FCRL5: variants seen among roughly 807,000 people sequenced by gnomAD.
The protein encoded by FCRL5 is Fc receptor-like protein 5.
A neutral mutation model predicts 92.1 loss-of-function variants in FCRL5; 79 were observed. That is an observed-to-expected ratio of 0.86 (90% CI 0.72 to 1.03). FCRL5 has a LOEUF of 1.03. Ranked by LOEUF, FCRL5 falls within the 50% of genes least tolerant of loss-of-function variation. The probability of loss-of-function intolerance (pLI) is 0.00; values close to 1 mark genes in which losing one functional copy is unlikely to be tolerated. For missense variants in FCRL5, 1,160 were observed against 1,181.1 expected, an observed-to-expected ratio of 0.98 and a Z score of 0.26; for synonymous variants, 466 against 469.3, an observed-to-expected ratio of 0.99 and a Z score of 0.09.
At chr1:157,549,322 T>C (rs1014540953) in intron 2 of FCRL5, among the ~76,000 whole-genome samples, 1 of 147,554 alleles carries the variant, frequency 6.8e-6, no homozygotes, top group African/African-American at 2.5e-5. Flanking sequence ...CATTAGGAGA[T>C]ATACCTAATG....
intron 6 of FCRL5, among the ~76,000 whole-genome samples, chr1:157,539,600 C>A (rs1303203387): frequency 1.3e-5 from 2 of 152,108 alleles, no homozygotes; most frequent in African/African-American, 2.4e-5. Flanking sequence ...TTTGTGGGCC[C>A]CAAGATCTTT....
chr1:157,541,610 T>C (rs1651263762), intron 6 of FCRL5, among the ~76,000 whole-genome samples: 1 of 152,244 alleles, frequency 6.6e-6, no homozygotes, highest in Non-Finnish European at 1.5e-5. Flanking sequence ...AACTCACACA[T>C]GAGTTCTTCC....
At position 157,514,126 on chromosome 1, in the gene FCRL5, A is replaced by G. The variant is rs551880302; in HGVS notation, c.*1549T>C. The G allele has an allele frequency of 2.0e-5, 3 of 152,292 alleles. No individual in the cohort carries two copies. The East Asian group carries it at 5.8e-4, about 29-fold the overall frequency. The allele number at this position is 152,292 out of a possible 1,614,324, so 9.4% of individuals were successfully genotyped here. A position where few individuals can be genotyped will look rare whatever the true frequency, so the allele number is the denominator to read the frequency against. ...CTGACACTTGGAAGCATGAAAAGCCATGGTTCAGGTGGAGTGAGCTTCCAA... is the reference window on the plus strand; with the variant it reads ...CTGACACTTGGAAGCATGAAAAGCCGTGGTTCAGGTGGAGTGAGCTTCCAA... On this transcript the variant is annotated 3_prime_UTR_variant, in exon 17 of 17. Transcript: ENST00000361835.
chr1:157,526,510 C>A (rs1300022127), intron 9 of FCRL5, among the ~76,000 whole-genome samples: 1 of 151,954 alleles, frequency 6.6e-6, no homozygotes, highest in Non-Finnish European at 1.5e-5. Flanking sequence ...TGCAAAGGAT[C>A]CTACAGAGAC....
chr1:157,546,406 C>T (rs573728672), intron 3 of FCRL5: 70 of 332,006 alleles, frequency 2.1e-4, no homozygotes, highest in Non-Finnish European at 3.6e-4. Context: ...CGAGATAACG[C>T]CACTGCACTC....
chr1:157,545,455 A>G (rs985895990), intron 3 of FCRL5, among the ~76,000 whole-genome samples: 2 of 150,282 alleles, frequency 1.3e-5, no homozygotes, highest in African/African-American at 4.9e-5. Context: ...CATTAGTATC[A>G]TTATTGAACC....
chr1:157,515,818 G>A (rs1649897721), intron 16 of FCRL5, 24 bp downstream of exon 16: 1 of 1,614,042 alleles, frequency 6.2e-7, no homozygotes, highest in Non-Finnish European at 8.5e-7. Flanking sequence ...GGGTGGGGGA[G>A]GGCATGCAGA....
At chr1:157,525,717 A>G (rs970106382) in intron 9 of FCRL5, among the ~76,000 whole-genome samples, 1 of 152,216 alleles carries the variant, frequency 6.6e-6, no homozygotes, top group Non-Finnish European at 1.5e-5. Context: ...TAGGAAGTCA[A>G]ATCAACAGGA....
intron 7 of FCRL5, among the ~76,000 whole-genome samples, chr1:157,537,375 C>G (rs1466063146): frequency 6.6e-6 from 1 of 152,242 alleles, no homozygotes; most frequent in East Asian, 1.9e-4. Flanking sequence ...TGTAGTGCTC[C>G]CAGGCTTATT....
Position 157,516,380 on chromosome 1 carries a change from T to C in FCRL5, c.2813-507A>G, listed in dbSNP as rs796512047. Among the ~76,000 whole-genome samples the C allele has an allele frequency of 3.3e-5, 5 of 152,312 alleles. 1 individual carries two copies. Among genetic ancestry groups the C allele is most frequent in the African/African-American group, 1.2e-4 (5 of 41,566 alleles). On this transcript the variant is annotated intron_variant, in intron 15 of 16. Coordinates refer to ENST00000361835, the MANE Select transcript of FCRL5 (RefSeq NM_031281.3). ...CCTGTAAGGTTGTGGTGAAGCTATA[T>C]GAGTTTACACATATGTGTGAGCACA...
rs1253074696 is a variant in FCRL5 at position 157,527,750 on chromosome 1, G to T, written c.1827C>A (p.Ser609Arg). ...WFYHEDVTLG[S>R]SSAPSGGEAS... Reference sequence around the variant, plus strand: ...CTTCTCCTCCAGAGGGGGCTGAGCTGCTCCCCAGGGTGACATCCTCATGAT... The same window carrying T: ...CTTCTCCTCCAGAGGGGGCTGAGCTTCTCCCCAGGGTGACATCCTCATGAT... The change falls in exon 9 of 17, where the codon AGC becomes AGA. Residue 609 changes from serine (S) to arginine (R), a missense_variant. By Grantham distance (110) the Ser-to-Arg change is moderately radical (BLOSUM62 -1). Transcript: ENST00000361835. 1 of 1,614,188 alleles carries T rather than the reference G, an allele frequency of 6.2e-7. No homozygotes were observed.
At chr1:157,523,252 C>T (rs1224705371) in intron 10 of FCRL5, among the ~76,000 whole-genome samples, 2 of 152,182 alleles carry the variant, frequency 1.3e-5, no homozygotes, top group East Asian at 3.8e-4. Context: ...TGTATGGTCT[C>T]GTGTTTCTCC....
intron 8 of FCRL5, among the ~76,000 whole-genome samples, chr1:157,529,161 T>C (rs1311100117): frequency 6.6e-6 from 1 of 152,138 alleles, no homozygotes; most frequent in Admixed American, 6.6e-5. Context: ...GAATAGAATA[T>C]TTTCAAAAGA....
At position 157,544,248 on chromosome 1, in the gene FCRL5, C is replaced by T. The variant is rs528463578; in HGVS notation, c.844+14G>A. The T allele has an allele frequency of 6.2e-7, 1 of 1,610,982 alleles. No individual in the cohort carries two copies. Among genetic ancestry groups the T allele is most frequent in the East Asian group, 2.2e-5 (1 of 44,808 alleles). ...CCCTCTCTGCAGCAAATCTCAGGTT[C>T]CACCAACACTTACTCTGCACCTGTA... is the stretch of plus-strand genomic sequence containing the variant. On this transcript the variant is annotated intron_variant, in intron 5 of 16. Transcript: ENST00000361835.
chr1:157,515,949 G>A lies in FCRL5; in HGVS notation c.2813-76C>T, dbSNP rs1649906608. 15 of 1,548,950 alleles carry A rather than the reference G, an allele frequency of 9.7e-6. No individual in the cohort carries two copies. The South Asian group carries it at 1.6e-4, about 16-fold the overall frequency. On this transcript the variant is annotated intron_variant, in intron 15 of 16. Coordinates refer to ENST00000361835, the MANE Select transcript of FCRL5 (RefSeq NM_031281.3). ...CCCTTGTGCCTGCGCTGTGGGGCCAGCCCTGAGCCTCCTGGAGGCCCGCTC... is the reference window on the plus strand; with the variant it reads ...CCCTTGTGCCTGCGCTGTGGGGCCAACCCTGAGCCTCCTGGAGGCCCGCTC...
At chr1:157,548,986 G>A (rs555513993) in intron 2 of FCRL5, among the ~76,000 whole-genome samples, 16 of 152,002 alleles carry the variant, frequency 1.1e-4, no homozygotes, top group African/African-American at 2.9e-4. Flanking sequence ...ACATGCACAC[G>A]TATGTTTACT....
intron 11 of FCRL5, among the ~76,000 whole-genome samples, chr1:157,520,773 G>A (rs1326493493): frequency 6.6e-6 from 1 of 152,232 alleles, no homozygotes; most frequent in Non-Finnish European, 1.5e-5. Flanking sequence ...CAGTGAGAGA[G>A]GAGGCAGCCA....
Position 157,518,731 on chromosome 1 carries a change from G to T in FCRL5, c.2712C>A (p.Ala904=). 6.2e-7 allele frequency: 1 copy of T among 1,613,588 alleles called. No individual in the cohort carries two copies. The highest frequency in any genetic ancestry group is 8.5e-7 in the Non-Finnish European group (1 of 1,179,920). ...SQEPTYHNVP[A]WEELQPVYTN... is the part of the protein sequence containing the mutation. ...TGTACACTGGTTGCAGCTCTTCCCA[G>T]GCTGGTACATTGTGATAGGTGGGCT... is the stretch of plus-strand genomic sequence containing the variant. The change falls in exon 14 of 17, where the codon GCC becomes GCA. Residue 904 remains alanine (A), a synonymous_variant. Transcript: ENST00000361835.
In FCRL5 at chr1:157,515,711, T is replaced by A; in HGVS notation, c.2898A>T (p.Gly966=). 1 of 1,613,834 alleles carries A rather than the reference T, an allele frequency of 6.2e-7. No homozygotes were observed. The highest frequency in any genetic ancestry group is 2.2e-5 in the East Asian group (1 of 44,870). ...GAGCTGAGGAAGCCAAGAACAGGGA[T>A]CCGGAAACCGGGGTTGACGCCACCT... The part of the protein sequence containing the change: ...EVKVASTPVS[G]SLFLASSAPH... The change falls in exon 17 of 17, where the codon GGA becomes GGT. Residue 966 remains glycine (G), a synonymous_variant. Coordinates refer to ENST00000361835, the MANE Select transcript of FCRL5 (RefSeq NM_031281.3).
Sources: allele counts gnomAD v4.1 joint callset (sites outside exome capture counted in the v4.1 genomes callset), GRCh38; gene constraint gnomAD v4.1.1; transcripts MANE v1.5; gene names NCBI Gene and HGNC (gene_info 2026-07-23, HGNC 2026-07-21).